L3MBTL4: variants seen among roughly 807,000 people sequenced by gnomAD.
L3MBTL4 encodes L3MBTL histone methyl-lysine binding protein 4, also known as lethal(3)malignant brain tumor-like protein 4.
A neutral mutation model predicts 84.5 loss-of-function variants in L3MBTL4; 70 were observed. The observed-to-expected ratio is 0.83, with a 90% CI of 0.68 to 1.01. The LOEUF is 1.01. L3MBTL4 is among the 50% of genes least tolerant of loss of function. L3MBTL4 has a pLI of 0.00. For synonymous variants in L3MBTL4, 274 were observed against 259.8 expected (o/e 1.05, Z -0.52); for missense variants, 715 against 754.8 (o/e 0.95, Z 0.62).
At chr18:6,252,670 C>T (rs887388280) in intron 5 of L3MBTL4, among the ~76,000 whole-genome samples, 19 of 152,158 alleles carry the variant, frequency 1.2e-4, no homozygotes, top group African/African-American at 2.4e-4. Flanking sequence ...GCAGGCAGGA[C>T]GCAGGCCATG....
chr18:6,070,077 G>A (rs1400934744), intron 16 of L3MBTL4, among the ~76,000 whole-genome samples: 1 of 152,060 alleles, frequency 6.6e-6, no homozygotes, highest in African/African-American at 2.4e-5. Flanking sequence ...AACTAAGAAA[G>A]TCTAATATAT....
chr18:6,370,840 A>G (rs1209638085), intron 1 of L3MBTL4, among the ~76,000 whole-genome samples: 1 of 152,188 alleles, frequency 6.6e-6, no homozygotes, highest in East Asian at 1.9e-4. Flanking sequence ...AATTTGTAAG[A>G]AAAGACGTTT....
intron 14 of L3MBTL4, among the ~76,000 whole-genome samples, chr18:6,097,380 A>T (rs1028355352): frequency 6.6e-6 from 1 of 152,192 alleles, no homozygotes; most frequent in African/African-American, 2.4e-5. Flanking sequence ...TATTCATTCT[A>T]AGAGCAGCAT....
At chr18:6,359,752 C>T (rs968272215) in intron 1 of L3MBTL4, among the ~76,000 whole-genome samples, 2 of 152,000 alleles carry the variant, frequency 1.3e-5, no homozygotes, top group Non-Finnish European at 2.9e-5. Flanking sequence ...CAGATCCTTA[C>T]GCAAAGGAGA....
chr18:6,263,350 T>C (rs1469224212), intron 5 of L3MBTL4, among the ~76,000 whole-genome samples: 4 of 150,558 alleles, frequency 2.7e-5, no homozygotes, highest in African/African-American at 9.8e-5. Context: ...CATCTAAAAC[T>C]CAGACCAAGA....
intron 12 of L3MBTL4, among the ~76,000 whole-genome samples, chr18:6,180,273 GT>G (rs967311987): frequency 7.4e-5 from 11 of 147,690 alleles, no homozygotes; most frequent in Non-Finnish European, 1.2e-4. Flanking sequence ...TTACTCTCAT[GT>G]TATTATCCCC....
chr18:6,299,338 C>T (rs1183750790), intron 4 of L3MBTL4, among the ~76,000 whole-genome samples: 1 of 152,086 alleles, frequency 6.6e-6, no homozygotes, highest in African/African-American at 2.4e-5. Context: ...TTTTCCCATC[C>T]CATTTCTCAT....
intron 4 of L3MBTL4, among the ~76,000 whole-genome samples, chr18:6,284,851 G>A (rs2049492315): frequency 6.6e-6 from 1 of 152,240 alleles, no homozygotes; most frequent in Non-Finnish European, 1.5e-5. Context: ...CTGGTAGGAG[G>A]GCATCTGCAC....
chr18:6,267,695 C>T (rs745383925), intron 4 of L3MBTL4, among the ~76,000 whole-genome samples: 3 of 152,152 alleles, frequency 2.0e-5, no homozygotes, highest in African/African-American at 7.2e-5. Context: ...ATCACTTCAC[C>T]GAAAGTAAAC....
chr18:6,252,531 AGAG>A (rs1328460168), intron 5 of L3MBTL4, among the ~76,000 whole-genome samples: 2 of 152,204 alleles, frequency 1.3e-5, no homozygotes, highest in African/African-American at 4.8e-5. Context: ...GTTCATCTAG[AGAG>A]GAGAACAGAC....
chr18:6,381,976 C>T (rs1369433818), intron 1 of L3MBTL4, among the ~76,000 whole-genome samples: 1 of 152,180 alleles, frequency 6.6e-6, no homozygotes, highest in African/African-American at 2.4e-5. Context: ...AACAATCAAA[C>T]ATGGATTTGC....
chr18:5,965,474 G>A (rs370344446), intron 17 of L3MBTL4, among the ~76,000 whole-genome samples: 12 of 152,098 alleles, frequency 7.9e-5, no homozygotes, highest in Non-Finnish European at 1.5e-4. Context: ...GCTCCTCTCC[G>A]AAACACCCAG....
intron 4 of L3MBTL4, among the ~76,000 whole-genome samples, chr18:6,270,697 T>G (rs2048828635): frequency 6.6e-6 from 1 of 152,144 alleles, no homozygotes; most frequent in Non-Finnish European, 1.5e-5. Flanking sequence ...CTTCTGCAAA[T>G]GCCAGAGTCT....
intron 4 of L3MBTL4, among the ~76,000 whole-genome samples, chr18:6,286,135 T>A (rs1227325638): frequency 6.6e-6 from 1 of 151,242 alleles, no homozygotes; most frequent in African/African-American, 2.4e-5. Flanking sequence ...CGGCCTGAAC[T>A]TTCTTTCAAA....
At chr18:6,386,157 T>C (rs563839876) in intron 1 of L3MBTL4, among the ~76,000 whole-genome samples, 46 of 152,172 alleles carry the variant, frequency 3.0e-4, no homozygotes, top group Non-Finnish European at 5.4e-4. Context: ...GCACTACAAC[T>C]AGGAGATTGG....
rs138590804 is a variant in L3MBTL4 at position 6,002,603 on chromosome 18, G to A, written c.1445-33041C>T. Among the ~76,000 whole-genome samples, 214 of 152,098 alleles carry A rather than the reference G, an allele frequency of 1.4e-3. 1 individual carries two copies. Among genetic ancestry groups the A allele is most frequent in the African/African-American group, 4.7e-3 (195 of 41,516 alleles). Reference sequence around the variant, plus strand: ...TTTTTGTATGCTATTGAAATTAAACGGGTAGAAATTCAAATTAAAGAGCTA... The same window carrying A: ...TTTTTGTATGCTATTGAAATTAAACAGGTAGAAATTCAAATTAAAGAGCTA... On this transcript the variant is annotated intron_variant, in intron 16 of 18. Transcript: ENST00000317931.
At chr18:6,312,965 A>G (rs917899735) in intron 1 of L3MBTL4, among the ~76,000 whole-genome samples, 2 of 152,066 alleles carry the variant, frequency 1.3e-5, no homozygotes, top group African/African-American at 4.8e-5. Context: ...AACTTATCTA[A>G]TTTGAACTCG....
intron 16 of L3MBTL4, among the ~76,000 whole-genome samples, chr18:6,060,929 T>A (rs2057195055): frequency 6.6e-6 from 1 of 152,140 alleles, no homozygotes; most frequent in Non-Finnish European, 1.5e-5. Flanking sequence ...CTTGGTTGCT[T>A]CCGGTTTTGA....
chr18:6,341,862 G>GA (rs963247493), intron 1 of L3MBTL4, among the ~76,000 whole-genome samples: 10 of 148,026 alleles, frequency 6.8e-5, no homozygotes, highest in Admixed American at 2.0e-4. Flanking sequence ...TGTCAAAAAT[G>GA]AAAAAAAAAG....
Sources: allele counts gnomAD v4.1 joint callset (sites outside exome capture counted in the v4.1 genomes callset), GRCh38; gene constraint gnomAD v4.1.1; transcripts MANE v1.5; gene names NCBI Gene and HGNC (gene_info 2026-07-23, HGNC 2026-07-21).